The following PTPRN2 variants were observed in gnomAD, a reference collection of about 807,000 sequenced individuals.
PTPRN2 encodes protein tyrosine phosphatase receptor type N2, also known as receptor-type tyrosine-protein phosphatase N2.
PTPRN2 carries 74 observed loss-of-function variants against 118.8 expected under a neutral mutation model. That is an observed-to-expected ratio of 0.62 (90% CI 0.52 to 0.76). The LOEUF (loss-of-function observed/expected upper bound fraction) is 0.76, where lower values mean the gene tolerates loss of function less well. Among genes scored for constraint, PTPRN2 ranks in the 30% least tolerant of loss-of-function variants. The pLI is 0.00. For missense variants in PTPRN2, 1,481 were observed against 1,394.4 expected (o/e 1.06, Z -0.99); for synonymous variants, 641 against 608.0 (o/e 1.05, Z -0.80).
intron 12 of PTPRN2, among the ~76,000 whole-genome samples, chr7:157,895,056 C>CG (rs11419587): frequency 6.6e-6 from 1 of 151,822 alleles, no homozygotes; most frequent in Non-Finnish European, 1.5e-5. Context: ...ACCCCTCCCC[C>CG]ACAGGAGGGG....
At chr7:158,142,433 G>T (rs1259109707) in intron 6 of PTPRN2, among the ~76,000 whole-genome samples, 1 of 152,184 alleles carries the variant, frequency 6.6e-6, no homozygotes, top group Non-Finnish European at 1.5e-5. Context: ...CTCAAAATCT[G>T]TAAGTAACAA....
chr7:158,253,617 A>G (rs1482751626), intron 3 of PTPRN2, among the ~76,000 whole-genome samples: 1 of 152,164 alleles, frequency 6.6e-6, no homozygotes, highest in Non-Finnish European at 1.5e-5. Context: ...GGCGGTGGTC[A>G]GGTTGGCCTT....
At chr7:158,070,980 C>A (rs1378687761) in intron 11 of PTPRN2, among the ~76,000 whole-genome samples, 2 of 64,736 alleles carry the variant, frequency 3.1e-5, no homozygotes, top group Admixed American at 1.5e-4. Context: ...GGTGGAGGTG[C>A]CCGTGGTGGT....
rs190772043 is a variant in PTPRN2, at chr7:157,662,930, C to T, written c.2002-6379G>A. 9.2e-5 allele frequency among the ~76,000 whole-genome samples: 14 copies of T among 152,254 alleles called. No individual in the cohort carries two copies. In the East Asian group the frequency reaches 1.5e-3, roughly 17 times the overall value. On this transcript the variant is annotated intron_variant, in intron 13 of 22. Transcript: ENST00000389418. ...TGCATCCACCGCCCACCTAACCTCA[C>T]GGCTCAGCCACGTTCACGCAGCACG...
chr7:158,505,982 C>T (rs1822718637), intron 1 of PTPRN2, among the ~76,000 whole-genome samples: 1 of 152,242 alleles, frequency 6.6e-6, no homozygotes, highest in Non-Finnish European at 1.5e-5. Context: ...ACAGAGCCCA[C>T]CGCGCGTCCT....
intron 3 of PTPRN2, among the ~76,000 whole-genome samples, chr7:158,303,254 G>T (rs1052843787): frequency 6.6e-6 from 1 of 151,838 alleles, no homozygotes; most frequent in African/African-American, 2.4e-5. Flanking sequence ...AAAAATCACG[G>T]CTCTGCACTC....
rs545405447 is a variant in PTPRN2, at chr7:157,787,575, G to A, written c.1789-104638C>T. On this transcript the variant is annotated intron_variant, in intron 12 of 22. Transcript: ENST00000389418. The surrounding 1 kb of genome is among the most constrained non-coding windows in gnomAD (Gnocchi z 5.3). ...TCCTTGTCCTTCATGTCTTGTAGGCGACCCCACAGAGAGAGAGGCAGAGGA... is the reference window on the plus strand; with the variant it reads ...TCCTTGTCCTTCATGTCTTGTAGGCAACCCCACAGAGAGAGAGGCAGAGGA... Among the ~76,000 whole-genome samples, 183 of 152,228 alleles carry A rather than the reference G, an allele frequency of 1.2e-3. 1 individual carries two copies. Among genetic ancestry groups the A allele is most frequent in the African/African-American group, 4.2e-3 (174 of 41,530 alleles).
At chr7:158,160,468 G>A (rs1822261528) in intron 6 of PTPRN2, among the ~76,000 whole-genome samples, 1 of 152,212 alleles carries the variant, frequency 6.6e-6, no homozygotes, top group Non-Finnish European at 1.5e-5. Flanking sequence ...TCTTCAGACT[G>A]AGAGTTACAT....
intron 3 of PTPRN2, among the ~76,000 whole-genome samples, chr7:158,215,774 C>T (rs901617104): frequency 6.6e-6 from 1 of 152,082 alleles, no homozygotes; most frequent in East Asian, 1.9e-4. Flanking sequence ...AATCCAGATA[C>T]CCAGTGAAGT....
At chr7:158,401,919 G>C (rs549061877) in intron 2 of PTPRN2, among the ~76,000 whole-genome samples, 1 of 152,244 alleles carries the variant, frequency 6.6e-6, no homozygotes, top group African/African-American at 2.4e-5. Context: ...GACCTCCCAG[G>C]CCTCTCTCCA....
chr7:158,120,742 C>T lies in PTPRN2; in HGVS notation c.1557-9827G>A, dbSNP rs143515568. 4.7e-3 allele frequency among the ~76,000 whole-genome samples: 711 copies of T among 152,328 alleles called. 10 individuals are homozygous for T. Among genetic ancestry groups the T allele is most frequent in the African/African-American group, 0.016 (679 of 41,564 alleles). ...CTCTAACCCAGGTCAGCTCCTGTCC[C>T]AAAACATCCTCCAGGGCCATCTGAA... is the stretch of plus-strand genomic sequence containing the variant. On this transcript the variant is annotated intron_variant, in intron 9 of 22. Transcript: ENST00000389418.
At chr7:157,872,094 A>C (rs1417894321) in intron 12 of PTPRN2, among the ~76,000 whole-genome samples, 1 of 99,004 alleles carries the variant, frequency 1.0e-5, no homozygotes, top group Non-Finnish European at 1.9e-5. Flanking sequence ...GCGCTTCTCC[A>C]CACACACATA....
intron 2 of PTPRN2, among the ~76,000 whole-genome samples, chr7:158,414,067 C>CA (rs34928217): frequency 0.013 from 984 of 76,270 alleles, 11 homozygotes; most frequent in African/African-American, 0.039. Flanking sequence ...GCCTCTATCT[C>CA]AAAAAAAAAA....
chr7:158,418,649 T>C (rs1361625460), intron 2 of PTPRN2, among the ~76,000 whole-genome samples: 1 of 150,804 alleles, frequency 6.6e-6, no homozygotes, highest in African/African-American at 2.4e-5. Context: ...ATCAAGATGC[T>C]GTAGCTCTCA....
At chr7:158,502,615 C>A (rs1822449090) in intron 1 of PTPRN2, among the ~76,000 whole-genome samples, 1 of 152,266 alleles carries the variant, frequency 6.6e-6, no homozygotes, top group African/African-American at 2.4e-5. Context: ...GTCTCACATC[C>A]CCCAGTTCAC....
intron 2 of PTPRN2, among the ~76,000 whole-genome samples, chr7:158,386,453 G>T (rs1811386636): frequency 6.6e-6 from 1 of 151,924 alleles, no homozygotes; most frequent in African/African-American, 2.4e-5. Context: ...CATGGTGCAG[G>T]AGCTGCCTCC....
Position 157,585,795 on chromosome 7 carries a change from C to G in PTPRN2, c.2497-7655G>C, listed in dbSNP as rs2150545136. ...GGAGGAGCTGGCCGGAGGCTGGGAA[C>G]CAATCACACACAGGAGCAGCAGAGC... On this transcript the variant is annotated intron_variant, in intron 17 of 22. Transcript: ENST00000389418. The surrounding 1 kb of genome is among the most constrained non-coding windows in gnomAD (Gnocchi z 5.2). 6.6e-6 allele frequency among the ~76,000 whole-genome samples: 1 copy of G among 152,276 alleles called. No individual in the cohort carries two copies. Among genetic ancestry groups the G allele is most frequent in the African/African-American group, 2.4e-5 (1 of 41,544 alleles).
intron 3 of PTPRN2, among the ~76,000 whole-genome samples, chr7:158,314,390 G>A (rs1802116596): frequency 6.6e-6 from 1 of 152,250 alleles, no homozygotes; most frequent in Non-Finnish European, 1.5e-5. Context: ...TGACACAGTT[G>A]AATATTTACA....
chr7:157,571,938 T>C (rs221298), intron 19 of PTPRN2, among the ~76,000 whole-genome samples: 74,235 of 152,098 alleles, frequency 0.49, 18,399 homozygotes, highest in South Asian at 0.69. Context: ...GTTATTTCCA[T>C]ACTGTCTAAA....
Sources: gnomAD v4.1 joint callset for allele counts (sites outside exome capture counted in the v4.1 genomes callset) on GRCh38, gnomAD v4.1.1 for gene constraint, Gnocchi (gnomAD v3.1) non-coding constraint, MANE v1.5 for transcripts, NCBI Gene and HGNC (gene_info 2026-07-23, HGNC 2026-07-21) for gene names.